TBC1D15: variants seen among roughly 807,000 people sequenced by gnomAD.
TBC1D15 encodes the protein TBC1 domain family member 15.
A neutral mutation model predicts 95.4 loss-of-function variants in TBC1D15; 39 were observed. That is an observed-to-expected ratio of 0.41 (90% confidence interval 0.32 to 0.53). The LOEUF (loss-of-function observed/expected upper bound fraction) is 0.53. Among genes scored for constraint, TBC1D15 ranks in the 20% least tolerant of loss-of-function variants. The pLI, the probability that TBC1D15 is intolerant of heterozygous loss-of-function variation, is 0.29. For missense variants in TBC1D15, 733 were observed against 794.3 expected, an observed-to-expected ratio of 0.92 and a Z score of 0.93; for synonymous variants, 258 against 261.3, an observed-to-expected ratio of 0.99 and a Z score of 0.12.
At chr12:71,862,149 G>A (rs1202759657) in intron 1 of TBC1D15, among the ~76,000 whole-genome samples, 1 of 152,112 alleles carries the variant, frequency 6.6e-6, no homozygotes, top group East Asian at 1.9e-4. Context: ...AGTGTATTAT[G>A]CAGCTGTTGG....
intron 10 of TBC1D15, among the ~76,000 whole-genome samples, chr12:71,905,092 TA>T (rs1417928275): frequency 1.3e-5 from 2 of 152,196 alleles, no homozygotes; most frequent in African/African-American, 4.8e-5. Context: ...ATAACATTTT[TA>T]TATATTACTT....
At chr12:71,897,136 G>T in intron 9 of TBC1D15, 1 of 164,016 alleles carries the variant, frequency 6.1e-6, no homozygotes, top group Non-Finnish European at 1.3e-5. Flanking sequence ...AATTATAAAT[G>T]GCTCATAAGA....
intron 10 of TBC1D15, among the ~76,000 whole-genome samples, chr12:71,901,117 C>T (rs1899284147): frequency 6.6e-6 from 1 of 152,098 alleles, no homozygotes; most frequent in African/African-American, 2.4e-5. Context: ...TGCAGCTGGG[C>T]TCAAAGGATA....
rs765199238 is a variant in TBC1D15 at position 71,884,989 on chromosome 12, T to A, written c.522T>A (p.Ile174=). The part of the protein sequence containing the change: ...HFHQGDSKLL[I]ESLEKYVVLC... ...ATCAAGGAGATAGCAAACTACTGAT[T>A]GAATCTCTTGAAAAATATGTGGTAT... Residue 174 remains isoleucine (I), a synonymous_variant, in exon 5 of 17, where the codon ATT becomes ATA. Coordinates refer to ENST00000485960, the MANE Select transcript of TBC1D15 (RefSeq NM_001146213.3). 1.9e-5 allele frequency: 30 copies of A among 1,613,708 alleles called. No individual in the cohort carries two copies. The Admixed American group carries it at 4.7e-4, about 25-fold the overall frequency.
Position 71,907,194 on chromosome 12 carries a change from T to C in TBC1D15, c.1300+56T>C, listed in dbSNP as rs566657142. ...ATGTAAATATATTTACTTTAGAGTT[T>C]ACATTTTTAATCCAGTTAGACATGG... is the stretch of plus-strand genomic sequence containing the variant. On this transcript the variant is annotated intron_variant, in intron 11 of 16. Transcript: ENST00000485960. The C allele has an allele frequency of 8.9e-6, 10 of 1,120,188 alleles. No homozygotes were observed. The African/African-American group carries it at 1.6e-4, about 18-fold the overall frequency. 69.4% of individuals were successfully genotyped at this position (1,120,188 alleles called of 1,614,324 possible). A position where few individuals can be genotyped will look rare whatever the true frequency, so the allele number is the denominator to read the frequency against.
At chr12:71,917,537 T>A (rs1050472633) in intron 12 of TBC1D15, among the ~76,000 whole-genome samples, 161 bp from the exon 13 acceptor site, 18 of 152,200 alleles carry the variant, frequency 1.2e-4, no homozygotes, top group Non-Finnish European at 2.2e-4. Context: ...ACCCTCCCTT[T>A]TAGTGTTACG....
chr12:71,850,376 G>A (rs1283904645), intron 1 of TBC1D15: 5 of 310,666 alleles, frequency 1.6e-5, no homozygotes, highest in South Asian at 3.0e-5. Context: ...GGCGGGGTTC[G>A]CACAGTGGGC....
intron 1 of TBC1D15, among the ~76,000 whole-genome samples, chr12:71,859,798 A>G (rs940211562): frequency 1.3e-5 from 2 of 152,012 alleles, no homozygotes; most frequent in African/African-American, 4.8e-5. Context: ...TTTAGTAGAG[A>G]TGGGGTTTCA....
chr12:71,870,300 T>A (rs1255493437), intron 1 of TBC1D15, among the ~76,000 whole-genome samples: 1 of 152,192 alleles, frequency 6.6e-6, no homozygotes, highest in African/African-American at 2.4e-5. Context: ...CTGTGAATAT[T>A]CTTATGCATA....
At chr12:71,881,991 T>A (rs994940960) in intron 4 of TBC1D15, among the ~76,000 whole-genome samples, 4 of 151,438 alleles carry the variant, frequency 2.6e-5, no homozygotes, top group African/African-American at 9.7e-5. Context: ...CTTGAGGGTT[T>A]ATTTTGAACC....
chr12:71,868,514 G>A (rs1891981040), intron 1 of TBC1D15, among the ~76,000 whole-genome samples: 1 of 152,092 alleles, frequency 6.6e-6, no homozygotes, highest in Admixed American at 6.5e-5. Context: ...CCAAAGTGCT[G>A]GGATTACAGG....
Position 71,839,789 on chromosome 12 carries a change from C to A in TBC1D15, c.8C>A (p.Ala3Glu). 6.2e-7 allele frequency: 1 copy of A among 1,614,152 alleles called. No homozygotes were observed. The highest frequency in any genetic ancestry group is 8.5e-7 in the Non-Finnish European group (1 of 1,180,022). The change falls in exon 1 of 17, where the codon GCG becomes GAG. Residue 3 changes from alanine to glutamate, a missense_variant. Ala to Glu is a moderately radical substitution (Grantham distance 107). Transcript: ENST00000485960. Reference protein sequence around the residue: MAAAGVVSGKIIY... With the variant: MAEAGVVSGKIIY... ...CAGGCACGCGCAGGAAACATGGCGGCGGCGGGTGTTGTGAGCGGGAAGGTA... is the reference window on the plus strand; with the variant it reads ...CAGGCACGCGCAGGAAACATGGCGGAGGCGGGTGTTGTGAGCGGGAAGGTA...
intron 4 of TBC1D15, among the ~76,000 whole-genome samples, chr12:71,884,589 AC>A (rs1396298223): frequency 5.3e-5 from 8 of 152,158 alleles, no homozygotes; most frequent in African/African-American, 1.9e-4. Flanking sequence ...CATAGGAATA[AC>A]ATTTAAAACA....
At chr12:71,879,457 T>A (rs1185028615) in intron 3 of TBC1D15, among the ~76,000 whole-genome samples, 1 of 152,154 alleles carries the variant, frequency 6.6e-6, no homozygotes, top group Non-Finnish European at 1.5e-5. Flanking sequence ...CTCTGTTTAA[T>A]GTATATCTTT....
Position 71,900,900 on chromosome 12 carries a change from G to A in TBC1D15, c.1183+2959G>A, listed in dbSNP as rs1020404270. Among the ~76,000 whole-genome samples, 5 of 152,146 alleles carry A rather than the reference G, an allele frequency of 3.3e-5. No individual in the cohort carries two copies. The East Asian group carries it at 7.7e-4, about 23-fold the overall frequency. ...GGGAGGGGGTTCTCTTACCACTCCT[G>A]TTCAGTGTAGTATTGGAAGCCCTAG... On this transcript the variant is annotated intron_variant, in intron 10 of 16. Coordinates refer to ENST00000485960, the MANE Select transcript of TBC1D15 (RefSeq NM_001146213.3).
At chr12:71,900,306 AAG>A (rs1403273108) in intron 10 of TBC1D15, among the ~76,000 whole-genome samples, 1 of 152,136 alleles carries the variant, frequency 6.6e-6, no homozygotes, top group South Asian at 2.1e-4. Context: ...CTAGTGGAAA[AAG>A]AGACAGTTAA....
chr12:71,891,833 T>C (rs1479026428), intron 5 of TBC1D15, among the ~76,000 whole-genome samples: 1 of 152,154 alleles, frequency 6.6e-6, no homozygotes, highest in Non-Finnish European at 1.5e-5. Flanking sequence ...CATAGAGTTA[T>C]CTGAACCCAG....
At chr12:71,882,912 G>A (rs753334978) in intron 4 of TBC1D15, among the ~76,000 whole-genome samples, 7 of 151,966 alleles carry the variant, frequency 4.6e-5, no homozygotes, top group Non-Finnish European at 1.0e-4. Flanking sequence ...ATTTTCTTTT[G>A]TATGTAATAT....
chr12:71,859,834 C>G (rs1037487851), intron 1 of TBC1D15, among the ~76,000 whole-genome samples: 4 of 152,206 alleles, frequency 2.6e-5, no homozygotes, highest in Admixed American at 1.3e-4. Flanking sequence ...TGGTCTTGAA[C>G]TCCCAGCCTC....
Sources: allele counts gnomAD v4.1 joint callset (sites outside exome capture counted in the v4.1 genomes callset), GRCh38; gene constraint gnomAD v4.1.1; transcripts MANE v1.5; gene names NCBI Gene and HGNC (gene_info 2026-07-23, HGNC 2026-07-21).